LHFPL6: variants seen among roughly 807,000 people sequenced by gnomAD.
LHFPL6 encodes the protein LHFPL tetraspan subfamily member 6.
A neutral mutation model predicts 20.6 loss-of-function variants in LHFPL6; 9 were observed. That is an observed-to-expected ratio of 0.44 (90% CI 0.26 to 0.76). The LOEUF (loss-of-function observed/expected upper bound fraction) is 0.76, where lower values mean the gene tolerates loss of function less well. LHFPL6 is among the 30% of genes least tolerant of loss of function. The probability of loss-of-function intolerance (pLI) is 0.20; values close to 1 mark genes in which losing one functional copy is unlikely to be tolerated. For synonymous variants in LHFPL6, 105 were observed against 98.7 expected, an observed-to-expected ratio of 1.06 and a Z score of -0.38; for missense variants, 218 against 253.5, an observed-to-expected ratio of 0.86 and a Z score of 0.95.
chr13:39,510,445 G>T (rs1240852030), intron 2 of LHFPL6, among the ~76,000 whole-genome samples: 1 of 152,210 alleles, frequency 6.6e-6, no homozygotes, highest in Non-Finnish European at 1.5e-5. Flanking sequence ...CCAGGGGTAG[G>T]TCATTAGAAA....
chr13:39,507,640 G>T (rs1869531417), intron 2 of LHFPL6, among the ~76,000 whole-genome samples: 1 of 152,026 alleles, frequency 6.6e-6, no homozygotes, highest in African/African-American at 2.4e-5. Context: ...GCTGCAGTTT[G>T]TATCTGCTTG....
At chr13:39,572,658 C>G (rs1411406306) in intron 2 of LHFPL6, among the ~76,000 whole-genome samples, 1 of 152,176 alleles carries the variant, frequency 6.6e-6, no homozygotes, top group Non-Finnish European at 1.5e-5. Context: ...TCTGTGTCTC[C>G]TCCACTCTTG....
intron 3 of LHFPL6, among the ~76,000 whole-genome samples, chr13:39,353,355 C>A (rs987618848): frequency 3.3e-5 from 5 of 152,030 alleles, no homozygotes; most frequent in African/African-American, 1.2e-4. Context: ...GAAGACCACC[C>A]AAACTTGGTT....
chr13:39,415,941 A>T (rs542725711), intron 2 of LHFPL6, among the ~76,000 whole-genome samples: 1 of 150,106 alleles, frequency 6.7e-6, no homozygotes, highest in African/African-American at 2.5e-5. Flanking sequence ...ATATTTGCAG[A>T]ATCAGGACTA....
chr13:39,461,402 G>A (rs1003463298), intron 2 of LHFPL6, among the ~76,000 whole-genome samples: 1 of 152,180 alleles, frequency 6.6e-6, no homozygotes, highest in African/African-American at 2.4e-5. Context: ...AGCTCTTTGA[G>A]AAATCTCCAA....
intron 2 of LHFPL6, among the ~76,000 whole-genome samples, chr13:39,578,934 G>C (rs915428565): frequency 6.6e-6 from 1 of 152,200 alleles, no homozygotes; most frequent in East Asian, 1.9e-4. Flanking sequence ...AGAGAGGAGA[G>C]AAAGGTGAAG....
chr13:39,369,815 A>C (rs1000825803), intron 3 of LHFPL6, among the ~76,000 whole-genome samples: 3 of 152,076 alleles, frequency 2.0e-5, no homozygotes, highest in Non-Finnish European at 4.4e-5. Flanking sequence ...CCAAACACCA[A>C]GCTAGGCACC....
chr13:39,515,072 TG>T (rs1869861287), intron 2 of LHFPL6, among the ~76,000 whole-genome samples: 2 of 152,248 alleles, frequency 1.3e-5, no homozygotes, highest in Admixed American at 1.3e-4. Flanking sequence ...TGGATCCTGA[TG>T]AGACCTGAAT....
chr13:39,436,108 T>C (rs941913193), intron 2 of LHFPL6, among the ~76,000 whole-genome samples: 2 of 151,950 alleles, frequency 1.3e-5, no homozygotes, highest in Admixed American at 6.6e-5. Context: ...CCAGAATCCT[T>C]TGGAGTCCTC....
At chr13:39,359,365 C>A (rs1869817127) in intron 3 of LHFPL6, among the ~76,000 whole-genome samples, 1 of 152,116 alleles carries the variant, frequency 6.6e-6, no homozygotes, top group African/African-American at 2.4e-5. Context: ...ACCAAGAAGA[C>A]ACATGCACCT....
intron 2 of LHFPL6, among the ~76,000 whole-genome samples, chr13:39,560,054 C>A (rs1195327030): frequency 1.3e-5 from 2 of 152,122 alleles, no homozygotes; most frequent in East Asian, 3.9e-4. Flanking sequence ...GCATCAGAAC[C>A]CCACACATGA....
intron 3 of LHFPL6, among the ~76,000 whole-genome samples, chr13:39,373,633 A>G (rs1365911418): frequency 6.6e-6 from 1 of 152,246 alleles, no homozygotes; most frequent in Admixed American, 6.5e-5. Flanking sequence ...GCAGGGATCA[A>G]TAAACGAGCA....
intron 2 of LHFPL6, among the ~76,000 whole-genome samples, chr13:39,488,834 A>G (rs1391186641): frequency 6.6e-6 from 1 of 151,776 alleles, no homozygotes; most frequent in East Asian, 2.0e-4. Flanking sequence ...TAAGACGTCA[A>G]AAATCAATTG....
intron 2 of LHFPL6, among the ~76,000 whole-genome samples, chr13:39,577,218 T>C (rs1051393578): frequency 1.3e-5 from 2 of 152,174 alleles, no homozygotes; most frequent in South Asian, 2.1e-4. Flanking sequence ...TATTCCTAAA[T>C]TGAACAAATA....
chr13:39,553,186 C>T (rs534731258), intron 2 of LHFPL6, among the ~76,000 whole-genome samples: 4 of 152,076 alleles, frequency 2.6e-5, no homozygotes, highest in Non-Finnish European at 5.9e-5. Flanking sequence ...CACAGAAATA[C>T]AATTAATGGA....
intron 2 of LHFPL6, among the ~76,000 whole-genome samples, chr13:39,495,744 C>A (rs564403699): frequency 6.7e-6 from 1 of 149,302 alleles, no homozygotes. Flanking sequence ...AACCTTGAAG[C>A]TGGGGATATG....
intron 2 of LHFPL6, among the ~76,000 whole-genome samples, chr13:39,575,777 C>T (rs947780655): frequency 7.2e-5 from 11 of 152,144 alleles, no homozygotes; most frequent in Admixed American, 3.9e-4. Flanking sequence ...CGGGTGTGCA[C>T]GGTTTCTCCT....
intron 3 of LHFPL6, among the ~76,000 whole-genome samples, chr13:39,359,725 C>G (rs1025046418): frequency 6.6e-6 from 1 of 151,988 alleles, no homozygotes; most frequent in Non-Finnish European, 1.5e-5. Context: ...ACCTCTGCAT[C>G]ACACAATATA....
chr13:39,514,814 T>A (rs1319306627), intron 2 of LHFPL6, among the ~76,000 whole-genome samples: 1 of 152,164 alleles, frequency 6.6e-6, no homozygotes, highest in Non-Finnish European at 1.5e-5. Flanking sequence ...ACCAAGGACA[T>A]GATTGACGTA....
Sources: gnomAD v4.1 joint callset for allele counts (sites outside exome capture counted in the v4.1 genomes callset) on GRCh38, gnomAD v4.1.1 for gene constraint, MANE v1.5 for transcripts, NCBI Gene and HGNC (gene_info 2026-07-23, HGNC 2026-07-21) for gene names.